MRPS9: variants seen among roughly 807,000 people sequenced by gnomAD.
The protein encoded by MRPS9 is small ribosomal subunit protein uS9m.
In MRPS9, 45 loss-of-function variants were observed where a neutral mutation model predicts 59.9. The ratio of observed to expected loss-of-function variants is 0.75; its 90% CI spans 0.59 to 0.96. The LOEUF is 0.96. MRPS9 is among the 40% of genes least tolerant of loss of function. The pLI, the probability that MRPS9 is intolerant of heterozygous loss-of-function variation, is 0.00. For missense variants in MRPS9, 473 were observed against 481.1 expected (o/e 0.98, Z 0.16); for synonymous variants, 171 against 166.8 (o/e 1.03, Z -0.19).
chr2:105,070,518 G>C (rs567128137), intron 2 of MRPS9, among the ~76,000 whole-genome samples: 8 of 152,272 alleles, frequency 5.3e-5, no homozygotes, highest in African/African-American at 1.9e-4. Flanking sequence ...TGGATCCCAG[G>C]CCATAGACTC....
chr2:105,092,647 C>G, intron 8 of MRPS9, 78 bp downstream of exon 8: 1 of 1,215,188 alleles, frequency 8.2e-7, no homozygotes, highest in Non-Finnish European at 1.1e-6. Flanking sequence ...CTATTGCTTT[C>G]TGGTATCCAT....
At chr2:105,083,734 A>G (rs75260266) in intron 5 of MRPS9, among the ~76,000 whole-genome samples, 2,073 of 152,248 alleles carry the variant, frequency 0.014, 49 homozygotes, top group African/African-American at 0.048. Flanking sequence ...TAGGAATGTT[A>G]CATATTGTGT....
At chr2:105,092,950 A>T (rs1309209136) in intron 8 of MRPS9, among the ~76,000 whole-genome samples, 1 of 152,238 alleles carries the variant, frequency 6.6e-6, no homozygotes, top group Non-Finnish European at 1.5e-5. Context: ...ATGTAATGTG[A>T]AAACTTCACG....
chr2:105,097,534 C>G, intron 10 of MRPS9: 1 of 417,894 alleles, frequency 2.4e-6, no homozygotes, highest in East Asian at 4.2e-5. Context: ...AAGGGGAGAA[C>G]TCCCCACACT....
chr2:105,088,904 A>T, intron 5 of MRPS9, 80 bp from the exon 6 acceptor site: 1 of 980,448 alleles, frequency 1.0e-6, no homozygotes, highest in South Asian at 2.1e-5. Context: ...CTTACAGGAG[A>T]AAACTATAAA....
At chr2:105,058,327 T>A (rs2104446343) in intron 2 of MRPS9, among the ~76,000 whole-genome samples, 2 of 152,314 alleles carry the variant, frequency 1.3e-5, no homozygotes, top group South Asian at 4.1e-4. Context: ...AAGTCATTGA[T>A]CAAGTTAACA....
intron 2 of MRPS9, among the ~76,000 whole-genome samples, chr2:105,066,654 C>T (rs1194044334): frequency 6.6e-6 from 1 of 151,802 alleles, no homozygotes; most frequent in African/African-American, 2.4e-5. Context: ...TGAATTGTCT[C>T]CTTTGTGGTT....
At chr2:105,061,411 C>A (rs1165992514) in intron 2 of MRPS9, among the ~76,000 whole-genome samples, 1 of 152,132 alleles carries the variant, frequency 6.6e-6, no homozygotes, top group Non-Finnish European at 1.5e-5. Context: ...GGCCTTGCTG[C>A]TGCTACAGGG....
At chr2:105,043,213 C>G (rs934932677) in intron 1 of MRPS9, among the ~76,000 whole-genome samples, 1 of 152,016 alleles carries the variant, frequency 6.6e-6, no homozygotes, top group Admixed American at 6.6e-5. Context: ...AGGGTTTATG[C>G]GTTTTATTTG....
chr2:105,080,384 A>G (rs1202208947), intron 5 of MRPS9, among the ~76,000 whole-genome samples: 1 of 152,184 alleles, frequency 6.6e-6, no homozygotes, highest in African/African-American at 2.4e-5. Context: ...GGCCAAGTGT[A>G]TGATGCTGTC....
At chr2:105,065,806 T>G (rs1023462759) in intron 2 of MRPS9, among the ~76,000 whole-genome samples, 2 of 152,236 alleles carry the variant, frequency 1.3e-5, no homozygotes, top group Non-Finnish European at 2.9e-5. Flanking sequence ...GTTATATGTA[T>G]TTGTTGTTTA....
chr2:105,056,516 C>T (rs1239477089), intron 2 of MRPS9, among the ~76,000 whole-genome samples: 1 of 152,126 alleles, frequency 6.6e-6, no homozygotes, highest in East Asian at 1.9e-4. Context: ...ACCTGTCTTC[C>T]AACCTTCTGG....
chr2:105,085,914 T>A (rs1216402613), intron 5 of MRPS9, among the ~76,000 whole-genome samples: 3 of 152,204 alleles, frequency 2.0e-5, no homozygotes. Context: ...TTGACAGTTC[T>A]TGGCATATTT....
chr2:105,075,137 G>A (rs892564529), intron 4 of MRPS9, among the ~76,000 whole-genome samples: 5 of 152,092 alleles, frequency 3.3e-5, no homozygotes, highest in Non-Finnish European at 5.9e-5. Context: ...TCACAATAGG[G>A]TTCACGCTCC....
chr2:105,078,088 A>G (rs547991118), intron 4 of MRPS9, among the ~76,000 whole-genome samples: 4 of 151,540 alleles, frequency 2.6e-5, no homozygotes, highest in Admixed American at 1.3e-4. Flanking sequence ...AGACAGACCA[A>G]TGAGCAAAGT....
chr2:105,090,352 G>A (rs1680535109), intron 7 of MRPS9, among the ~76,000 whole-genome samples: 1 of 152,176 alleles, frequency 6.6e-6, no homozygotes, highest in Non-Finnish European at 1.5e-5. Flanking sequence ...ATAAGTGTAA[G>A]GAGTCATTAT....
intron 5 of MRPS9, 92 bp downstream of exon 5, chr2:105,080,154 G>A (rs1363026943): frequency 1.3e-5 from 10 of 797,874 alleles, no homozygotes; most frequent in African/African-American, 1.8e-5. Flanking sequence ...AATTTACCTA[G>A]TATTTTATAA....
At chr2:105,065,920 C>T (rs950606646) in intron 2 of MRPS9, among the ~76,000 whole-genome samples, 2 of 151,524 alleles carry the variant, frequency 1.3e-5, no homozygotes, top group Admixed American at 1.3e-4. Flanking sequence ...CCAGGTAGTC[C>T]TTTGTTTGCT....
chr2:105,038,290 G>T, intron 1 of MRPS9, 63 bp downstream of exon 1: 1 of 1,566,856 alleles, frequency 6.4e-7, no homozygotes, highest in South Asian at 1.2e-5. Context: ...AGCCAGCGCG[G>T]ACACCTTCCC....
Sources: allele counts gnomAD v4.1 joint callset (sites outside exome capture counted in the v4.1 genomes callset), GRCh38; gene constraint gnomAD v4.1.1; transcripts MANE v1.5; gene names NCBI Gene and HGNC (gene_info 2026-07-23, HGNC 2026-07-21).